GPR158: variants seen among roughly 807,000 people sequenced by gnomAD.
The protein encoded by GPR158 is metabotropic glycine receptor.
In GPR158, 30 loss-of-function variants were observed where a neutral mutation model predicts 78.2. The ratio of observed to expected loss-of-function variants is 0.38; its 90% confidence interval spans 0.29 to 0.52. The LOEUF (loss-of-function observed/expected upper bound fraction) is 0.52. GPR158 is among the 20% of genes least tolerant of loss of function. The pLI is 0.83. For missense variants in GPR158, 1,463 were observed against 1,523.5 expected (o/e 0.96, Z 0.66); for synonymous variants, 581 against 591.1 (o/e 0.98, Z 0.25).
chr10:25,523,496 G>A (rs1180896319), intron 5 of GPR158, among the ~76,000 whole-genome samples: 1 of 152,188 alleles, frequency 6.6e-6, no homozygotes, highest in Non-Finnish European at 1.5e-5. Context: ...AGGTTTGCCA[G>A]GTAAAGTTTT....
chr10:25,189,375 G>A (rs1195344278), intron 1 of GPR158, among the ~76,000 whole-genome samples: 1 of 152,110 alleles, frequency 6.6e-6, no homozygotes, highest in Non-Finnish European at 1.5e-5. Flanking sequence ...CAAAGACTTG[G>A]AACCAACCCA....
At chr10:25,330,832 A>G (rs2093689031) in intron 2 of GPR158, among the ~76,000 whole-genome samples, 1 of 152,220 alleles carries the variant, frequency 6.6e-6, no homozygotes, top group Admixed American at 6.5e-5. Context: ...TTTCCTTAGT[A>G]GAAGGACTTC....
intron 4 of GPR158, among the ~76,000 whole-genome samples, chr10:25,433,632 G>A (rs1834951733): frequency 6.6e-6 from 1 of 150,878 alleles, no homozygotes; most frequent in East Asian, 1.9e-4. Context: ...TAAATAAGGA[G>A]AGAAGCAGGG....
chr10:25,551,249 T>A lies in GPR158; in HGVS notation c.1514+164T>A, dbSNP rs1359845617. On this transcript the variant is annotated intron_variant, in intron 6 of 10. Coordinates refer to ENST00000376351, the MANE Select transcript of GPR158 (RefSeq NM_020752.3). The stretch of plus-strand genomic sequence containing the variant: ...TCAAGGTGTGACATCTTTTGGATTC[T>A]TCAGGGAAATATTTAATACAACTGA... Among the ~76,000 whole-genome samples the A allele has an allele frequency of 2.0e-5, 3 of 152,224 alleles. No individual in the cohort carries two copies. In the East Asian group the frequency reaches 5.8e-4, roughly 29 times the overall value.
At position 25,322,704 on chromosome 10, in the gene GPR158, C is replaced by G. The variant is rs114358340; in HGVS notation, c.1009-73207C>G. Reference sequence around the variant, plus strand: ...ATAAGACTTGAAAGTCAAAATCACTCCTTGATCCCTGGGCTGCAGAATGGA... The same window carrying G: ...ATAAGACTTGAAAGTCAAAATCACTGCTTGATCCCTGGGCTGCAGAATGGA... On this transcript the variant is annotated intron_variant, in intron 2 of 10. Coordinates refer to ENST00000376351, the MANE Select transcript of GPR158 (RefSeq NM_020752.3). Among the ~76,000 whole-genome samples the G allele has an allele frequency of 5.3e-3, 803 of 152,306 alleles. 5 individuals carry two copies. The highest frequency in any genetic ancestry group is 0.018 in the African/African-American group (752 of 41,576).
rs189649991 is a variant in GPR158 at position 25,303,825 on chromosome 10, A to C, written c.1008+82668A>C. On this transcript the variant is annotated intron_variant, in intron 2 of 10. Coordinates refer to ENST00000376351, the MANE Select transcript of GPR158 (RefSeq NM_020752.3). ...ATGAAAACCCTGCCTTTTGGTCTCC[A>C]TATTATTTGCACAATTATAAGAATG... Among the ~76,000 whole-genome samples, 511 of 152,338 alleles carry C rather than the reference A, an allele frequency of 3.4e-3. 3 individuals carry two copies. Among genetic ancestry groups the C allele is most frequent in the African/African-American group, 0.011 (472 of 41,574 alleles).
chr10:25,577,180 A>T (rs573608041), intron 7 of GPR158, among the ~76,000 whole-genome samples: 1 of 152,324 alleles, frequency 6.6e-6, no homozygotes, highest in South Asian at 2.1e-4. Flanking sequence ...GCCTTTTTAC[A>T]GTCTCTTTAT....
chr10:25,445,227 C>T (rs141577606), intron 4 of GPR158, among the ~76,000 whole-genome samples: 5 of 152,212 alleles, frequency 3.3e-5, no homozygotes, highest in Non-Finnish European at 4.4e-5. Context: ...AAATTAGGAA[C>T]GTCTTCCTAG....
At chr10:25,447,238 T>C (rs1358236314) in intron 4 of GPR158, among the ~76,000 whole-genome samples, 2 of 152,206 alleles carry the variant, frequency 1.3e-5, no homozygotes. Flanking sequence ...TTATTAGTTA[T>C]GGTACATTTT....
chr10:25,462,712 T>C (rs554329670), intron 4 of GPR158, among the ~76,000 whole-genome samples: 1 of 152,168 alleles, frequency 6.6e-6, no homozygotes, highest in Non-Finnish European at 1.5e-5. Context: ...ACTGCAGATA[T>C]GGTGAAAATA....
At chr10:25,490,789 G>A (rs903196997) in intron 5 of GPR158, among the ~76,000 whole-genome samples, 6 of 150,830 alleles carry the variant, frequency 4.0e-5, no homozygotes, top group African/African-American at 7.3e-5. Context: ...ATGATTTATA[G>A]TCCTTTGGGT....
intron 4 of GPR158, among the ~76,000 whole-genome samples, chr10:25,429,382 T>G (rs1834866165): frequency 6.6e-6 from 1 of 152,100 alleles, no homozygotes; most frequent in Non-Finnish European, 1.5e-5. Flanking sequence ...AACACATACC[T>G]CCATGTATTT....
intron 2 of GPR158, among the ~76,000 whole-genome samples, chr10:25,376,169 G>T (rs147063561): frequency 3.3e-5 from 5 of 151,552 alleles, no homozygotes; most frequent in Admixed American, 3.3e-4. Flanking sequence ...AATTTTGGAT[G>T]ATTATAAATG....
At chr10:25,204,796 G>T (rs1852994838) in intron 1 of GPR158, among the ~76,000 whole-genome samples, 1 of 147,182 alleles carries the variant, frequency 6.8e-6, no homozygotes, top group African/African-American at 2.5e-5. Context: ...GTGCACAGAG[G>T]TGTTCAAAGT....
intron 4 of GPR158, among the ~76,000 whole-genome samples, chr10:25,431,438 G>T (rs2130575797): frequency 6.9e-6 from 1 of 145,854 alleles, no homozygotes; most frequent in East Asian, 1.9e-4. Flanking sequence ...ACCCATTGTG[G>T]AAGTCAGTGT....
intron 2 of GPR158, among the ~76,000 whole-genome samples, chr10:25,349,289 A>T (rs1014812942): frequency 6.6e-6 from 1 of 151,934 alleles, no homozygotes; most frequent in South Asian, 2.1e-4. Context: ...CCTTCCCTTC[A>T]TGAGGACACC....
At chr10:25,473,865 G>T (rs560536948) in intron 5 of GPR158, among the ~76,000 whole-genome samples, 1 of 152,120 alleles carries the variant, frequency 6.6e-6, no homozygotes, top group Non-Finnish European at 1.5e-5. Context: ...TCTCTTTCAT[G>T]ATAGACATAA....
At chr10:25,421,114 T>C (rs75600917) in intron 4 of GPR158, among the ~76,000 whole-genome samples, 2,674 of 152,328 alleles carry the variant, frequency 0.018, 69 homozygotes, top group African/African-American at 0.052. Context: ...TTTCTACTTA[T>C]ATGTGTCTTT....
chr10:25,296,670 G>A, intron 2 of GPR158, among the ~76,000 whole-genome samples: 2 of 151,666 alleles, frequency 1.3e-5, no homozygotes, highest in African/African-American at 4.9e-5. Context: ...TTTACAACAT[G>A]CCAGATGTGA....
Sources: gnomAD v4.1 joint callset for allele counts (sites outside exome capture counted in the v4.1 genomes callset) on GRCh38, gnomAD v4.1.1 for gene constraint, MANE v1.5 for transcripts, NCBI Gene and HGNC (gene_info 2026-07-23, HGNC 2026-07-21) for gene names.